The following ASRGL1 variants were observed in gnomAD, a reference collection of about 807,000 sequenced individuals.
ASRGL1 encodes the protein asparaginase and isoaspartyl peptidase 1.
A neutral mutation model predicts 22.4 loss-of-function variants in ASRGL1; 16 were observed. That is an observed-to-expected ratio of 0.71 (90% confidence interval 0.48 to 1.08). The LOEUF (loss-of-function observed/expected upper bound fraction) is 1.08, where lower values mean the gene tolerates loss of function less well. ASRGL1 is among the 50% of genes least tolerant of loss of function. ASRGL1 has a pLI of 0.00. For missense variants in ASRGL1, 412 were observed against 410.1 expected, an observed-to-expected ratio of 1.00 and a Z score of -0.04; for synonymous variants, 165 against 159.3, an observed-to-expected ratio of 1.04 and a Z score of -0.27.
At chr11:62,371,155 G>A in intron 4 of ASRGL1, 1 of 1,151,834 alleles carries the variant, frequency 8.7e-7, no homozygotes, top group Non-Finnish European at 1.1e-6. Flanking sequence ...GAAGGCGGCG[G>A]TGGCGGCCTG....
downstream of ASRGL1, among the ~76,000 whole-genome samples, chr11:62,398,275 C>A (rs1344314207): frequency 6.6e-6 from 1 of 150,674 alleles, no homozygotes; most frequent in Non-Finnish European, 1.5e-5. Flanking sequence ...CAGGAAAGGA[C>A]CTGCCCCCAC....
intron 5 of ASRGL1, among the ~76,000 whole-genome samples, chr11:62,390,802 A>G (rs1464474063): frequency 6.6e-6 from 1 of 152,190 alleles, no homozygotes; most frequent in Non-Finnish European, 1.5e-5. Flanking sequence ...TCAATAAGTA[A>G]GGCAAATGTC....
downstream of ASRGL1, among the ~76,000 whole-genome samples, chr11:62,395,115 C>G (rs1421829206): frequency 6.6e-6 from 1 of 152,186 alleles, no homozygotes; most frequent in East Asian, 1.9e-4. Flanking sequence ...TCTTCCTGAC[C>G]TTCATTTTCG....
At chr11:62,388,162 A>G (rs763067147) in intron 4 of ASRGL1, among the ~76,000 whole-genome samples, 1 of 152,240 alleles carries the variant, frequency 6.6e-6, no homozygotes, top group South Asian at 2.1e-4. Context: ...GTATCTAAAC[A>G]TAGAAGTACA....
chr11:62,371,363 G>T, intron 4 of ASRGL1: 1 of 805,652 alleles, frequency 1.2e-6, no homozygotes, highest in Non-Finnish European at 1.9e-6. Flanking sequence ...GTGGCAGCAG[G>T]CAAGGTGGGC....
intron 4 of ASRGL1, among the ~76,000 whole-genome samples, chr11:62,364,187 CG>C (rs1946554273): frequency 6.7e-6 from 1 of 149,084 alleles, no homozygotes. Flanking sequence ...AATCAGTACT[CG>C]CTGGAATGAA....
intron 4 of ASRGL1, among the ~76,000 whole-genome samples, chr11:62,375,872 G>A (rs1487734604): frequency 6.6e-6 from 1 of 151,856 alleles, no homozygotes; most frequent in African/African-American, 2.4e-5. Context: ...AGCACTTTGG[G>A]AGGCCGAGGC....
At chr11:62,390,507 A>T (rs940093597) in intron 5 of ASRGL1, among the ~76,000 whole-genome samples, 4 of 152,180 alleles carry the variant, frequency 2.6e-5, no homozygotes, top group Non-Finnish European at 5.9e-5. Context: ...CCTTGGAGAC[A>T]CCTGGCCTTC....
intron 4 of ASRGL1, among the ~76,000 whole-genome samples, chr11:62,365,984 G>A (rs1213710834): frequency 2.7e-5 from 4 of 150,386 alleles, no homozygotes. Context: ...TCATGGCTGG[G>A]TGTGGTGGCT....
intron 2 of ASRGL1, among the ~76,000 whole-genome samples, chr11:62,354,866 A>G (rs1833918879): frequency 6.6e-6 from 1 of 152,168 alleles, no homozygotes; most frequent in African/African-American, 2.4e-5. Flanking sequence ...TGAAGCTGGA[A>G]AAGCAGGTCA....
intron 4 of ASRGL1, chr11:62,382,326 G>C (rs532063166): frequency 2.0e-5 from 3 of 152,086 alleles, no homozygotes; most frequent in Non-Finnish European, 4.4e-5. Flanking sequence ...CTACCATCTG[G>C]AGAGGGGGAT....
chr11:62,395,270 C>T (rs1210307275), downstream of ASRGL1, among the ~76,000 whole-genome samples: 2 of 152,300 alleles, frequency 1.3e-5, no homozygotes, highest in East Asian at 3.9e-4. Flanking sequence ...CCACGGTGAA[C>T]AAGCTCTGGC....
At chr11:62,356,908 A>ATT (rs1355543955) in intron 3 of ASRGL1, 79 bp from the exon 4 acceptor site, 10 of 1,458,182 alleles carry the variant, frequency 6.9e-6, no homozygotes, top group Non-Finnish European at 9.2e-6. Flanking sequence ...AGAAGTAATT[A>ATT]TTTCAACACA....
intron 4 of ASRGL1, among the ~76,000 whole-genome samples, chr11:62,377,520 A>G (rs1238732351): frequency 6.6e-6 from 1 of 152,140 alleles, no homozygotes; most frequent in East Asian, 1.9e-4. Context: ...CTGCCTTTCC[A>G]TTGCTGGAAC....
At chr11:62,395,616 C>T (rs1407547516), downstream of ASRGL1, among the ~76,000 whole-genome samples, 2 of 152,098 alleles carry the variant, frequency 1.3e-5, no homozygotes, top group African/African-American at 4.8e-5. Flanking sequence ...CCTTCAGTGT[C>T]CTGTTGTCAG....
intron 4 of ASRGL1, among the ~76,000 whole-genome samples, chr11:62,380,024 G>T (rs1012494937): frequency 2.0e-5 from 3 of 151,892 alleles, no homozygotes; most frequent in Admixed American, 6.6e-5. Flanking sequence ...GTTTTTTTGA[G>T]GCTGGGCAAT....
chr11:62,363,255 A>G (rs1258649529), intron 4 of ASRGL1, among the ~76,000 whole-genome samples: 1 of 151,828 alleles, frequency 6.6e-6, no homozygotes, highest in African/African-American at 2.4e-5. Flanking sequence ...TTTTAAGTTT[A>G]TAGAAACAAA....
intron 4 of ASRGL1, chr11:62,371,979 C>T (rs1946783078): frequency 1.6e-6 from 1 of 622,206 alleles, no homozygotes; most frequent in African/African-American, 1.9e-5. Flanking sequence ...AAAAAAGTTC[C>T]TAAACAGGAA....
intron 2 of ASRGL1, among the ~76,000 whole-genome samples, chr11:62,353,753 A>T (rs2134598357): frequency 6.6e-6 from 1 of 152,228 alleles, no homozygotes; most frequent in South Asian, 2.1e-4. Flanking sequence ...TCTTCATATG[A>T]TGAGTGACTT....
Sources: allele counts gnomAD v4.1 joint callset (sites outside exome capture counted in the v4.1 genomes callset), GRCh38; gene constraint gnomAD v4.1.1; transcripts MANE v1.5; gene names NCBI Gene and HGNC (gene_info 2026-07-23, HGNC 2026-07-21).